Variants in KIF26B observed in about 807,000 individuals in gnomAD.
The protein encoded by KIF26B is kinesin family member 26B.
In KIF26B, 63 loss-of-function variants were observed where a neutral mutation model predicts 151.2. That is an observed-to-expected ratio of 0.42 (90% CI 0.34 to 0.51). The LOEUF is 0.51. Ranked by LOEUF, KIF26B falls within the 20% of genes least tolerant of loss-of-function variation. The pLI is 0.07. For missense variants in KIF26B, 2,813 were observed against 2,913.6 expected (o/e 0.97, Z 0.79); for synonymous variants, 1,357 against 1,262.1 (o/e 1.08, Z -1.59).
intron 5 of KIF26B, among the ~76,000 whole-genome samples, chr1:245,552,397 A>G (rs944964271): frequency 3.3e-5 from 5 of 151,338 alleles, no homozygotes; most frequent in African/African-American, 1.2e-4. Flanking sequence ...GATTTACTCA[A>G]ACTCAGCTGA....
Position 245,215,473 on chromosome 1 carries a change from A to T in KIF26B, c.465+58790A>T, listed in dbSNP as rs1383283380. Among the ~76,000 whole-genome samples, 6 of 152,272 alleles carry T rather than the reference A, an allele frequency of 3.9e-5. No individual in the cohort carries two copies. The East Asian group carries it at 1.2e-3, about 29-fold the overall frequency. On this transcript the variant is annotated intron_variant, in intron 2 of 14. Coordinates refer to ENST00000407071, the MANE Select transcript of KIF26B (RefSeq NM_018012.4). ...AGACATGAAGCAGATGCTGCTCCTC[A>T]GGGCCTGTGGAGAGAGAACTCTACC...
intron 2 of KIF26B, among the ~76,000 whole-genome samples, chr1:245,230,523 A>T (rs528008254): frequency 3.7e-4 from 56 of 152,216 alleles, no homozygotes; most frequent in African/African-American, 1.3e-3. Flanking sequence ...CGGGTGGATC[A>T]CCTGAGGTCG....
At chr1:245,392,598 G>C (rs1673726386) in intron 3 of KIF26B, among the ~76,000 whole-genome samples, 1 of 152,032 alleles carries the variant, frequency 6.6e-6, no homozygotes, top group Non-Finnish European at 1.5e-5. Flanking sequence ...TCTGAATCTG[G>C]ATCATTTATG....
At chr1:245,455,754 T>A (rs1659504198) in intron 4 of KIF26B, among the ~76,000 whole-genome samples, 1 of 152,164 alleles carries the variant, frequency 6.6e-6, no homozygotes, top group Non-Finnish European at 1.5e-5. Flanking sequence ...AGACTCTTGG[T>A]TGGGAAGTTC....
chr1:245,430,804 G>A (rs1756921), intron 4 of KIF26B, among the ~76,000 whole-genome samples: 51,998 of 152,042 alleles, frequency 0.34, 9,449 homozygotes, highest in African/African-American at 0.44. Flanking sequence ...TTGTTTAGAC[G>A]TGGAAACTGA....
At chr1:245,440,153 G>T (rs538067178) in intron 4 of KIF26B, among the ~76,000 whole-genome samples, 1 of 152,148 alleles carries the variant, frequency 6.6e-6, no homozygotes, top group South Asian at 2.1e-4. Context: ...CCTGGGAGGC[G>T]GAGCTCGCAG....
chr1:245,460,612 T>A (rs1659625541), intron 4 of KIF26B, among the ~76,000 whole-genome samples: 1 of 152,214 alleles, frequency 6.6e-6, no homozygotes, highest in Admixed American at 6.5e-5. Flanking sequence ...GGAAGGTCCT[T>A]GAAAAGTCAC....
intron 4 of KIF26B, among the ~76,000 whole-genome samples, chr1:245,428,896 A>T (rs994234708): frequency 7.3e-6 from 1 of 137,892 alleles, no homozygotes; most frequent in Admixed American, 8.4e-5. Flanking sequence ...AATCCCAGGG[A>T]TTCTTGTAAG....
At chr1:245,441,104 C>G (rs1659068187) in intron 4 of KIF26B, among the ~76,000 whole-genome samples, 1 of 152,194 alleles carries the variant, frequency 6.6e-6, no homozygotes, top group Non-Finnish European at 1.5e-5. Flanking sequence ...TTCAAAGTTA[C>G]TGCTTTGGGA....
chr1:245,163,833 A>C (rs971204443), intron 2 of KIF26B, among the ~76,000 whole-genome samples: 10 of 152,290 alleles, frequency 6.6e-5, no homozygotes, highest in African/African-American at 2.2e-4. Flanking sequence ...ATTGATCTAC[A>C]TGTTTTATAT....
intron 4 of KIF26B, among the ~76,000 whole-genome samples, chr1:245,473,859 A>C (rs938708769): frequency 2.6e-5 from 4 of 151,860 alleles, no homozygotes; most frequent in African/African-American, 9.7e-5. Context: ...GCTCCTCCTC[A>C]GTGCAGCTCT....
At chr1:245,171,268 G>T (rs1335888672) in intron 2 of KIF26B, among the ~76,000 whole-genome samples, 2 of 152,176 alleles carry the variant, frequency 1.3e-5, no homozygotes, top group Non-Finnish European at 2.9e-5. Flanking sequence ...CATGGGGCCC[G>T]CACGGTGGCT....
chr1:245,609,491 G>A lies in KIF26B; in HGVS notation c.1877G>A (p.Gly626Asp), dbSNP rs1203953962. Residue 626 changes from glycine (G) to aspartate (D), a missense_variant, in exon 8 of 15, where the codon GGC (glycine) becomes GAC (aspartate). Gly to Asp is a moderately conservative substitution (Grantham distance 94). This residue lies in a region of KIF26B where 2,060 missense variants were observed against 2,088.6 expected (regional missense o/e 0.99). Coordinates refer to ENST00000407071, the MANE Select transcript of KIF26B (RefSeq NM_018012.4). ...AGCCTGCAGGACGGCCAGTCCCCGG[G>A]CGTGTACCTCTGTGAGGACCCCATC... is the stretch of plus-strand genomic sequence containing the variant. The part of the protein sequence containing the change: ...TGSLQDGQSP[G>D]VYLCEDPICG... 6.3e-7 allele frequency: 1 copy of A among 1,594,278 alleles called. No homozygotes were observed. Among genetic ancestry groups the A allele is most frequent in the South Asian group, 1.1e-5 (1 of 87,346 alleles).
chr1:245,196,386 C>T (rs771332698), intron 2 of KIF26B, among the ~76,000 whole-genome samples: 1 of 152,130 alleles, frequency 6.6e-6, no homozygotes, highest in Non-Finnish European at 1.5e-5. Flanking sequence ...AGCATATTTC[C>T]GAGTTGATTG....
In KIF26B at chr1:245,564,477, G is replaced by C. The variant is rs1359518034; in HGVS notation, c.1350+23527G>C. Among the ~76,000 whole-genome samples the C allele has an allele frequency of 6.6e-6, 1 of 152,160 alleles. No individual in the cohort carries two copies. Among genetic ancestry groups the C allele is most frequent in the African/African-American group, 2.4e-5 (1 of 41,430 alleles). Reference sequence around the variant, plus strand: ...CAAGTGTTGCTGACTGGTGGGGAGGGACAGCATCGCCTCAGTGAAAGTTTT... The same window carrying C: ...CAAGTGTTGCTGACTGGTGGGGAGGCACAGCATCGCCTCAGTGAAAGTTTT... On this transcript the variant is annotated intron_variant, in intron 5 of 14. Coordinates refer to ENST00000407071, the MANE Select transcript of KIF26B (RefSeq NM_018012.4). The surrounding 1 kb of genome is among the most constrained non-coding windows in gnomAD (Gnocchi z 4.6).
intron 3 of KIF26B, among the ~76,000 whole-genome samples, chr1:245,373,966 G>C (rs895157888): frequency 1.4e-5 from 2 of 146,178 alleles, no homozygotes; most frequent in African/African-American, 5.0e-5. Context: ...GGTGAGGCGA[G>C]AGGGTTCCTT....
At chr1:245,295,497 C>A (rs760467844) in intron 2 of KIF26B, among the ~76,000 whole-genome samples, 2 of 152,174 alleles carry the variant, frequency 1.3e-5, no homozygotes, top group African/African-American at 4.8e-5. Flanking sequence ...ATCATCAGTT[C>A]ATTTAGTGAA....
At chr1:245,317,418 C>A (rs1450287928) in intron 2 of KIF26B, among the ~76,000 whole-genome samples, 2 of 152,168 alleles carry the variant, frequency 1.3e-5, no homozygotes, top group Non-Finnish European at 2.9e-5. Context: ...GAGGCCAGAG[C>A]TGGAAGGGAG....
chr1:245,609,437 G>A lies in KIF26B; in HGVS notation c.1823G>A (p.Arg608Gln), dbSNP rs770307138. 5.0e-6 allele frequency: 8 copies of A among 1,606,992 alleles called. No individual in the cohort carries two copies. The highest frequency in any genetic ancestry group is 1.3e-5 in the African/African-American group (1 of 74,814). Reference sequence around the variant, plus strand: ...GTGTGGGGGAAGGAGGAGAACCTGCGGGACCTGCTGTCGGAGGTGGCCACG... The same window carrying A: ...GTGTGGGGGAAGGAGGAGAACCTGCAGGACCTGCTGTCGGAGGTGGCCACG... ...VEVWGKEENL[R>Q]DLLSEVATGS... The change falls in exon 8 of 15, where the codon CGG becomes CAG. Residue 608 changes from arginine (R) to glutamine (Q), a missense_variant. By Grantham distance (43) the Arg-to-Gln change is conservative (BLOSUM62 1). This residue lies in a region of KIF26B where 77 missense variants were observed against 136.9 expected (regional missense o/e 0.56). Transcript: ENST00000407071.
Sources: gnomAD v4.1 joint callset for allele counts (sites outside exome capture counted in the v4.1 genomes callset) on GRCh38, gnomAD v4.1.1 for gene constraint, gnomAD v4.1.1 regional missense constraint, Gnocchi (gnomAD v3.1) non-coding constraint, MANE v1.5 for transcripts, NCBI Gene and HGNC (gene_info 2026-07-23, HGNC 2026-07-21) for gene names.